Variants in DERL1 observed in about 807,000 individuals in gnomAD.
DERL1 encodes derlin 1, also known as derlin-1.
DERL1 carries 24 observed loss-of-function variants against 41.6 expected under a neutral mutation model. The ratio of observed to expected loss-of-function variants is 0.58; its 90% CI spans 0.42 to 0.81. The LOEUF is 0.81. DERL1 is among the 30% of genes least tolerant of loss of function. The pLI is 0.00. For missense variants in DERL1, 260 were observed against 314.3 expected, an observed-to-expected ratio of 0.83 and a Z score of 1.31; for synonymous variants, 124 against 112.5, an observed-to-expected ratio of 1.10 and a Z score of -0.65.
At chr8:123,024,221 G>A (rs1209963843) in intron 3 of DERL1, among the ~76,000 whole-genome samples, 2 of 152,168 alleles carry the variant, frequency 1.3e-5, no homozygotes, top group African/African-American at 4.8e-5. Context: ...GGATGAAGAT[G>A]CCTGTAGCCT....
Position 123,041,962 on chromosome 8 carries a change from G to T in DERL1, c.153+8C>A. Reference sequence around the variant, plus strand: ...GTAGTCTCCACGCCCCCCGTCTCCGGTAAGTACCTGAAAGCGATAAAGGAA... The same window carrying T: ...GTAGTCTCCACGCCCCCCGTCTCCGTTAAGTACCTGAAAGCGATAAAGGAA... On this transcript the variant is annotated splice_region_variant and intron_variant, in intron 1 of 7. Coordinates refer to ENST00000259512, the MANE Select transcript of DERL1 (RefSeq NM_024295.6). The T allele has an allele frequency of 6.2e-7, 1 of 1,603,196 alleles. No individual in the cohort carries two copies. Among genetic ancestry groups the T allele is most frequent in the East Asian group, 2.2e-5 (1 of 44,568 alleles).
At chr8:123,016,391 A>C (rs10090419) in intron 7 of DERL1, 1 of 152,144 alleles carries the variant, frequency 6.6e-6, no homozygotes, top group African/African-American at 2.4e-5. Flanking sequence ...GGCAGAGAGC[A>C]TGATCTGATA....
rs988890092 is a variant in DERL1 at position 123,036,732 on chromosome 8, A to C, written c.153+5238T>G. Among the ~76,000 whole-genome samples, 4 of 152,204 alleles carry C rather than the reference A, an allele frequency of 2.6e-5. No individual in the cohort carries two copies. The South Asian group carries it at 8.3e-4, about 31-fold the overall frequency. On this transcript the variant is annotated intron_variant, in intron 1 of 7. Transcript: ENST00000259512. The stretch of plus-strand genomic sequence containing the variant: ...TACGTACCAGAACACTTGCCACTAG[A>C]GTTCTATAGCCAAACCTTGATGGAT...
intron 6 of DERL1, 68 bp downstream of exon 6, chr8:123,021,375 TAGAG>T: frequency 7.3e-7 from 1 of 1,374,658 alleles, no homozygotes; most frequent in Non-Finnish European, 1.0e-6. Context: ...GTATAAAGGT[TAGAG>T]AAAGATAAAA....
intron 2 of DERL1, among the ~76,000 whole-genome samples, chr8:123,028,813 T>C (rs1245839767): frequency 6.6e-6 from 1 of 152,192 alleles, no homozygotes; most frequent in Non-Finnish European, 1.5e-5. Context: ...ACGCCTGTAA[T>C]CCCAGCACTT....
chr8:123,015,368 G>C lies in DERL1; in HGVS notation c.*79C>G, dbSNP rs1586455644. 1 of 1,547,512 alleles carries C rather than the reference G, an allele frequency of 6.5e-7. No individual in the cohort carries two copies. The highest frequency in any genetic ancestry group is 2.3e-5 in the East Asian group (1 of 43,892). ...GTGTGGGTCAGGTCCAACAGTGTTA[G>C]CCAGAACGCAGTTGTTAAGTGCACC... is the stretch of plus-strand genomic sequence containing the variant. On this transcript the variant is annotated 3_prime_UTR_variant, in exon 8 of 8. Coordinates refer to ENST00000259512, the MANE Select transcript of DERL1 (RefSeq NM_024295.6).
rs763442307 is a variant in DERL1 at position 123,022,729 on chromosome 8, C to A, written c.408G>T (p.Leu136=). The A allele has an allele frequency of 1.2e-6, 2 of 1,614,130 alleles. No homozygotes were observed. Among genetic ancestry groups the A allele is most frequent in the South Asian group, 2.2e-5 (2 of 91,076 alleles). The part of the protein sequence containing the change: ...IMSVLYVWAQ[L]NRDMIVSFWF... Reference sequence around the variant, plus strand: ...AAAATGATACAATCATGTCTCTGTTCAGCTGGGCCCAGACATAAAGTACTG... The same window carrying A: ...AAAATGATACAATCATGTCTCTGTTAAGCTGGGCCCAGACATAAAGTACTG... Residue 136 remains leucine (L), a synonymous_variant, in exon 5 of 8, where the codon CTG becomes CTT. Coordinates refer to ENST00000259512, the MANE Select transcript of DERL1 (RefSeq NM_024295.6).
intron 1 of DERL1, among the ~76,000 whole-genome samples, chr8:123,041,574 A>G (rs1813071352): frequency 6.6e-6 from 1 of 152,240 alleles, no homozygotes; most frequent in Admixed American, 6.5e-5. Flanking sequence ...AAGTTGGTGA[A>G]GTTGACACCT....
intron 1 of DERL1, among the ~76,000 whole-genome samples, chr8:123,034,497 T>C (rs1812882449): frequency 6.6e-6 from 1 of 152,214 alleles, no homozygotes; most frequent in South Asian, 2.1e-4. Flanking sequence ...GCTACTCAGC[T>C]TATTTACACG....
intron 2 of DERL1, 82 bp downstream of exon 2, chr8:123,030,523 G>A: frequency 1.0e-6 from 1 of 983,650 alleles, no homozygotes; most frequent in East Asian, 2.5e-5. Flanking sequence ...AATGCTAACT[G>A]CCCTCCAAAT....
intron 1 of DERL1, among the ~76,000 whole-genome samples, chr8:123,035,955 G>C (rs1027662444): frequency 1.3e-5 from 2 of 152,040 alleles, no homozygotes; most frequent in Non-Finnish European, 2.9e-5. Context: ...CAAGAAAGAT[G>C]ATGAGCACCT....
In DERL1 at chr8:123,029,081, A is replaced by T. The variant is rs530171243; in HGVS notation, c.265+1524T>A. On this transcript the variant is annotated intron_variant, in intron 2 of 7. Coordinates refer to ENST00000259512, the MANE Select transcript of DERL1 (RefSeq NM_024295.6). ...AGACCCTGTCTCAAAAAAAAAAAAA[A>T]TTACTCTAACAAATTAATGCTCAAT... 1.5e-3 allele frequency among the ~76,000 whole-genome samples: 234 copies of T among 152,168 alleles called. 1 individual carries two copies. Among genetic ancestry groups the T allele is most frequent in the African/African-American group, 5.4e-3 (224 of 41,508 alleles).
intron 2 of DERL1, among the ~76,000 whole-genome samples, chr8:123,029,904 A>T (rs1373041700): frequency 6.6e-6 from 1 of 152,038 alleles, no homozygotes; most frequent in Non-Finnish European, 1.5e-5. Context: ...TACTAAAAAT[A>T]TAAAAATTAG....
intron 6 of DERL1, among the ~76,000 whole-genome samples, chr8:123,020,177 A>G (rs1465283647): frequency 6.6e-6 from 1 of 152,242 alleles, no homozygotes; most frequent in Non-Finnish European, 1.5e-5. Flanking sequence ...AGTAGTTTGT[A>G]GTATAAGAAA....
chr8:123,022,632 G>A, intron 5 of DERL1, 52 bp downstream of exon 5: 2 of 1,542,932 alleles, frequency 1.3e-6, no homozygotes, highest in South Asian at 1.1e-5. Context: ...GGACTGAAGA[G>A]GGATTTCTGC....
In DERL1 at chr8:123,022,731, G is replaced by C. The variant is rs969810276; in HGVS notation, c.406C>G (p.Leu136Val). Residue 136 changes from leucine (L) to valine (V), a missense_variant, in exon 5 of 8, where the codon CTG (leucine) becomes GTG (valine). By Grantham distance (32) the Leu-to-Val change is conservative. Coordinates refer to ENST00000259512, the MANE Select transcript of DERL1 (RefSeq NM_024295.6). The part of the protein sequence containing the change: ...IMSVLYVWAQ[L>V]NRDMIVSFWF... The stretch of plus-strand genomic sequence containing the variant: ...AATGATACAATCATGTCTCTGTTCA[G>C]CTGGGCCCAGACATAAAGTACTGAC... 1 of 1,614,110 alleles carries C rather than the reference G, an allele frequency of 6.2e-7. No individual in the cohort carries two copies. Among genetic ancestry groups the C allele is most frequent in the Non-Finnish European group, 8.5e-7 (1 of 1,179,990 alleles).
chr8:123,041,928 C>G (rs766170474), intron 1 of DERL1, 42 bp downstream of exon 1: 1 of 1,545,698 alleles, frequency 6.5e-7, no homozygotes, highest in African/African-American at 1.4e-5. Context: ...GCTGGGCCTC[C>G]TGGGGCCTGT....
At position 123,013,695 on chromosome 8, in the gene DERL1, G is replaced by A. The variant is rs1030437887; in HGVS notation, c.*1752C>T. On this transcript the variant is annotated 3_prime_UTR_variant, in exon 8 of 8. Transcript: ENST00000259512. ...GGTAAGAGGGTACACCAGAGACTCC[G>A]GGTCACTCACTGTCAGAATATTCTT... 6.6e-6 allele frequency: 1 copy of A among 152,138 alleles called. No homozygotes were observed. The highest frequency in any genetic ancestry group is 2.4e-5 in the African/African-American group (1 of 41,436). 9.4% of individuals were successfully genotyped at this position (152,138 alleles called of 1,614,324 possible). A position where few individuals can be genotyped will look rare whatever the true frequency, so the allele number is the denominator to read the frequency against.
chr8:123,022,617 T>A, intron 5 of DERL1, 67 bp downstream of exon 5: 2 of 1,482,820 alleles, frequency 1.3e-6, no homozygotes, highest in South Asian at 1.1e-5. Flanking sequence ...AGAAAGTACA[T>A]CTCTGGACTG....
Sources: gnomAD v4.1 joint callset for allele counts (sites outside exome capture counted in the v4.1 genomes callset) on GRCh38, gnomAD v4.1.1 for gene constraint, MANE v1.5 for transcripts, NCBI Gene and HGNC (gene_info 2026-07-23, HGNC 2026-07-21) for gene names.